Variants in IQCJ observed in about 807,000 individuals in gnomAD.
IQCJ encodes the protein IQ motif containing J.
Under a neutral mutation model 11.0 loss-of-function variants are expected in IQCJ, and 9 were observed. The ratio of observed to expected loss-of-function variants is 0.82; its 90% CI spans 0.49 to 1.43. The LOEUF (loss-of-function observed/expected upper bound fraction) is 1.43, where lower values mean the gene tolerates loss of function less well. Among genes scored for constraint, IQCJ ranks in the 40% most tolerant of loss-of-function variants. The pLI is 0.00. For synonymous variants in IQCJ, 55 were observed against 51.3 expected (o/e 1.07, Z -0.31); for missense variants, 146 against 133.2 (o/e 1.10, Z -0.47).
Position 159,110,763 on chromosome 3 carries a change from T to C in IQCJ, c.9+41322T>C, listed in dbSNP as rs182734554. On this transcript the variant is annotated intron_variant, in intron 1 of 3. Transcript: ENST00000397832. ...GACACAAGCTGTTCTGCATCTGGCA[T>C]AAACGGGCCCAAGGATTCTGAATCT... is the stretch of plus-strand genomic sequence containing the variant. Among the ~76,000 whole-genome samples the C allele has an allele frequency of 1.1e-4, 16 of 152,308 alleles. No homozygotes were observed. In the East Asian group the frequency reaches 3.1e-3, roughly 29 times the overall value.
At chr3:159,240,342 T>A (rs956943334) in intron 1 of IQCJ, among the ~76,000 whole-genome samples, 3 of 152,166 alleles carry the variant, frequency 2.0e-5, no homozygotes, top group Non-Finnish European at 4.4e-5. Flanking sequence ...AATAAAGATG[T>A]TTATAGATCA....
intron 1 of IQCJ, among the ~76,000 whole-genome samples, chr3:159,211,363 G>T (rs886561515): frequency 6.6e-6 from 1 of 152,158 alleles, no homozygotes; most frequent in African/African-American, 2.4e-5. Flanking sequence ...AAACAAGGAG[G>T]TTATGTAGAT....
At chr3:159,198,048 AT>A (rs1367903825) in intron 1 of IQCJ, among the ~76,000 whole-genome samples, 7 of 152,200 alleles carry the variant, frequency 4.6e-5, no homozygotes, top group African/African-American at 1.7e-4. Flanking sequence ...TGGTTGAATT[AT>A]AAATACCCTG....
chr3:159,083,760 G>T (rs1173882700), intron 1 of IQCJ, among the ~76,000 whole-genome samples: 1 of 152,060 alleles, frequency 6.6e-6, no homozygotes, highest in Non-Finnish European at 1.5e-5. Flanking sequence ...GTCATAAACT[G>T]GAATATCATT....
chr3:159,092,699 A>AACACACACACACACACACACACACAC (rs57083405), intron 1 of IQCJ, among the ~76,000 whole-genome samples: 16 of 141,688 alleles, frequency 1.1e-4, no homozygotes, highest in East Asian at 6.4e-4. Context: ...CTCCATCACA[A>AACACACACACACACACACACACACAC]ACACACACAC....
At chr3:159,183,306 T>C (rs1723198872) in intron 1 of IQCJ, among the ~76,000 whole-genome samples, 1 of 152,220 alleles carries the variant, frequency 6.6e-6, no homozygotes, top group African/African-American at 2.4e-5. Flanking sequence ...TGCACAGCTC[T>C]TCATACTTTA....
intron 1 of IQCJ, among the ~76,000 whole-genome samples, chr3:159,197,721 G>A (rs1338496682): frequency 1.1e-4 from 17 of 152,022 alleles, no homozygotes; most frequent in Admixed American, 1.1e-3. Flanking sequence ...AGAGATGGGG[G>A]AACTGAGACA....
intron 1 of IQCJ, among the ~76,000 whole-genome samples, chr3:159,150,066 C>T (rs1415581672): frequency 6.6e-6 from 1 of 152,118 alleles, no homozygotes; most frequent in Non-Finnish European, 1.5e-5. Flanking sequence ...CTTCTTTATC[C>T]TTTGAACTTA....
chr3:159,095,273 C>G (rs952493632), intron 1 of IQCJ, among the ~76,000 whole-genome samples: 9 of 151,778 alleles, frequency 5.9e-5, no homozygotes, highest in South Asian at 2.1e-4. Context: ...TGTGTATAGA[C>G]AGTGTTCTTA....
At chr3:159,191,865 C>T (rs993099418) in intron 1 of IQCJ, among the ~76,000 whole-genome samples, 1 of 152,332 alleles carries the variant, frequency 6.6e-6, no homozygotes, top group South Asian at 2.1e-4. Context: ...GTTTCCCATT[C>T]TTCCCATTAG....
chr3:159,144,926 G>A (rs1166353771), intron 1 of IQCJ, among the ~76,000 whole-genome samples: 3 of 151,972 alleles, frequency 2.0e-5, no homozygotes, highest in Non-Finnish European at 4.4e-5. Flanking sequence ...TTTTCTTCTA[G>A]TACTGCTCAC....
chr3:159,239,264 C>T (rs928042820), intron 1 of IQCJ, among the ~76,000 whole-genome samples: 5 of 152,166 alleles, frequency 3.3e-5, no homozygotes, highest in African/African-American at 1.2e-4. Flanking sequence ...AGCAGAGCAG[C>T]TGCTCAGAAA....
At chr3:159,164,194 G>C (rs1407359731) in intron 1 of IQCJ, among the ~76,000 whole-genome samples, 1 of 152,136 alleles carries the variant, frequency 6.6e-6, no homozygotes, top group Non-Finnish European at 1.5e-5. Context: ...CATGTCAAAA[G>C]GTTGTCCTTG....
intron 1 of IQCJ, among the ~76,000 whole-genome samples, chr3:159,141,637 A>G (rs532118085): frequency 6.6e-6 from 1 of 152,356 alleles, no homozygotes; most frequent in African/African-American, 2.4e-5. Context: ...AATACAATAC[A>G]AATCTTTTGT....
At position 159,150,474 on chromosome 3, in the gene IQCJ, T is replaced by G. The variant is rs569499002; in HGVS notation, c.9+81033T>G. Among the ~76,000 whole-genome samples, 9 of 152,052 alleles carry G rather than the reference T, an allele frequency of 5.9e-5. No homozygotes were observed. The South Asian group carries it at 1.0e-3, about 18-fold the overall frequency. On this transcript the variant is annotated intron_variant, in intron 1 of 3. Coordinates refer to ENST00000397832, the MANE Select transcript of IQCJ (RefSeq NM_001042706.3). ...CTGTGCTATGCTGTGAAAAGAAGAC[T>G]GGTGGAGAATTGCAGATGGGCTCAG...
chr3:159,159,666 G>A (rs1001538464), intron 1 of IQCJ, among the ~76,000 whole-genome samples: 1 of 152,026 alleles, frequency 6.6e-6, no homozygotes, highest in African/African-American at 2.4e-5. Context: ...TGTATGTTTT[G>A]TTCCCTCCAA....
At chr3:159,170,349 T>C (rs539827593) in intron 1 of IQCJ, among the ~76,000 whole-genome samples, 2 of 152,140 alleles carry the variant, frequency 1.3e-5, no homozygotes, top group African/African-American at 4.8e-5. Context: ...AGACATGAAA[T>C]GTCAAACAAT....
rs183425199 is a variant in IQCJ, at chr3:159,234,835, A to G, written c.10-11008A>G. 7.2e-5 allele frequency among the ~76,000 whole-genome samples: 11 copies of G among 152,262 alleles called. No individual in the cohort carries two copies. In the East Asian group the frequency reaches 9.7e-4, roughly 13 times the overall value. On this transcript the variant is annotated intron_variant, in intron 1 of 3. Coordinates refer to ENST00000397832, the MANE Select transcript of IQCJ (RefSeq NM_001042706.3). ...CAGCATGCATTTGGATTGCTTCTTC[A>G]CAACATCACTTAGTAAATACATAAG... is the stretch of plus-strand genomic sequence containing the variant.
Position 159,161,679 on chromosome 3 carries a change from T to C in IQCJ, c.10-84164T>C, listed in dbSNP as rs376042276. ...ATGGTTTTAGGTCTAACGTTTAAGT[T>C]TTTAATCCATCTTGAATTAATTTTT... On this transcript the variant is annotated intron_variant, in intron 1 of 3. Transcript: ENST00000397832. Among the ~76,000 whole-genome samples the C allele has an allele frequency of 3.5e-3, 526 of 152,226 alleles. 1 individual carries two copies. Among genetic ancestry groups the C allele is most frequent in the African/African-American group, 0.012 (501 of 41,538 alleles).
Sources: gnomAD v4.1 joint callset for allele counts (sites outside exome capture counted in the v4.1 genomes callset) on GRCh38, gnomAD v4.1.1 for gene constraint, MANE v1.5 for transcripts, NCBI Gene and HGNC (gene_info 2026-07-23, HGNC 2026-07-21) for gene names.